The following ATAD1 variants were observed in gnomAD, a reference collection of about 807,000 sequenced individuals.
ATAD1 encodes outer mitochondrial transmembrane helix translocase.
In ATAD1, 18 loss-of-function variants were observed where a neutral mutation model predicts 42.7. The ratio of observed to expected loss-of-function variants is 0.42; its 90% confidence interval spans 0.29 to 0.63. ATAD1 has a LOEUF of 0.63. Ranked by LOEUF, ATAD1 falls within the 20% of genes least tolerant of loss-of-function variation. The probability of loss-of-function intolerance (pLI) is 0.19; values close to 1 mark genes in which losing one functional copy is unlikely to be tolerated. For missense variants in ATAD1, 294 were observed against 440.4 expected, an observed-to-expected ratio of 0.67 and a Z score of 2.98; for synonymous variants, 132 against 143.1, an observed-to-expected ratio of 0.92 and a Z score of 0.55.
intron 4 of ATAD1, among the ~76,000 whole-genome samples, chr10:87,788,781 A>G (rs1339163101): frequency 6.6e-6 from 1 of 152,270 alleles, no homozygotes; most frequent in African/African-American, 2.4e-5. Context: ...TTTTTTGTTC[A>G]GACTACAAAT....
At position 87,817,684 on chromosome 10, in the gene ATAD1, A is replaced by G. The variant is rs187685085; in HGVS notation, c.-14+483T>C. ...AATGAAGGCCTGCCAATCTTCACAA[A>G]GAGGGCAGGTTATTATTAACATCAC... On this transcript the variant is annotated intron_variant, in intron 1 of 9. Coordinates refer to ENST00000680024, the MANE Select transcript of ATAD1 (RefSeq NM_001321967.2). 3 of 970,508 alleles carry G rather than the reference A, an allele frequency of 3.1e-6. No individual in the cohort carries two copies. In the East Asian group the frequency reaches 3.4e-4, roughly 111 times the overall value. 60.1% of individuals were successfully genotyped at this position (970,508 alleles called of 1,614,324 possible).
intron 1 of ATAD1, among the ~76,000 whole-genome samples, chr10:87,839,544 C>T (rs1380471495): frequency 1.3e-5 from 2 of 152,126 alleles, no homozygotes; most frequent in Non-Finnish European, 2.9e-5. Context: ...TCTTGACCAT[C>T]AAGAGAAGGA....
chr10:87,818,455 A>G (rs1393319195), upstream of ATAD1: 2 of 179,274 alleles, frequency 1.1e-5, no homozygotes, highest in Non-Finnish European at 2.2e-5. Context: ...TTTAACAGAC[A>G]CTACCTTTGG....
rs182044161 is a variant in ATAD1 at position 87,753,603 on chromosome 10, G to A, written c.*1084C>T. On this transcript the variant is annotated 3_prime_UTR_variant, in exon 10 of 10. Coordinates refer to ENST00000680024, the MANE Select transcript of ATAD1 (RefSeq NM_001321967.2). ...TATGGGCATTTTGATGTGTACATTTGTACCTGACTTAGGGCACAATTTATA... is the reference window on the plus strand; with the variant it reads ...TATGGGCATTTTGATGTGTACATTTATACCTGACTTAGGGCACAATTTATA... 1 of 152,580 alleles carries A rather than the reference G, an allele frequency of 6.6e-6. No individual in the cohort carries two copies. The highest frequency in any genetic ancestry group is 1.9e-4 in the East Asian group (1 of 5,180). The allele number at this position is 152,580 out of a possible 1,614,324, so 9.5% of individuals were successfully genotyped here.
At position 87,807,374 on chromosome 10, in the gene ATAD1, T is replaced by C. The variant is rs958045699; in HGVS notation, c.162+7064A>G. Reference sequence around the variant, plus strand: ...TCAACTTTACTAGATAATGCCAAACTATCTTCCAAAATAGTTATACTAATT... The same window carrying C: ...TCAACTTTACTAGATAATGCCAAACCATCTTCCAAAATAGTTATACTAATT... On this transcript the variant is annotated intron_variant, in intron 2 of 9. Coordinates refer to ENST00000680024, the MANE Select transcript of ATAD1 (RefSeq NM_001321967.2). Among the ~76,000 whole-genome samples the C allele has an allele frequency of 5.7e-4, 87 of 152,268 alleles. 1 individual carries two copies. The highest frequency in any genetic ancestry group is 1.5e-4 in the Non-Finnish European group (10 of 68,020).
At chr10:87,776,635 AT>A (rs199929838) in intron 5 of ATAD1, among the ~76,000 whole-genome samples, 9 of 149,556 alleles carry the variant, frequency 6.0e-5, no homozygotes, top group South Asian at 2.1e-4. Flanking sequence ...TGCGGAGCTA[AT>A]TTTTTTTTTA....
chr10:87,822,481 A>G (rs1428484392), upstream of ATAD1, among the ~76,000 whole-genome samples: 2 of 152,234 alleles, frequency 1.3e-5, no homozygotes, highest in Non-Finnish European at 2.9e-5. Flanking sequence ...CATTTGCAAC[A>G]ACATGGACAG....
intron 1 of ATAD1, among the ~76,000 whole-genome samples, chr10:87,816,236 A>G (rs1398912226): frequency 6.6e-6 from 1 of 152,184 alleles, no homozygotes; most frequent in Non-Finnish European, 1.5e-5. Flanking sequence ...CTATTCAAAA[A>G]TTATGTTCAA....
chr10:87,795,158 A>G (rs972051116), intron 2 of ATAD1, among the ~76,000 whole-genome samples: 1 of 152,158 alleles, frequency 6.6e-6, no homozygotes, highest in Non-Finnish European at 1.5e-5. Flanking sequence ...ACAGAGCTCA[A>G]ATACTGATTT....
chr10:87,765,016 TTAC>T (rs1397192890), intron 8 of ATAD1, among the ~76,000 whole-genome samples: 1 of 152,090 alleles, frequency 6.6e-6, no homozygotes, highest in Non-Finnish European at 1.5e-5. Context: ...AAATAATGAC[TTAC>T]TGTCAATTAT....
At chr10:87,812,148 T>C (rs553667467) in intron 2 of ATAD1, among the ~76,000 whole-genome samples, 14 of 152,334 alleles carry the variant, frequency 9.2e-5, no homozygotes, top group African/African-American at 2.9e-4. Flanking sequence ...CTAGTACCTC[T>C]TGACTCCTAT....
At chr10:87,826,296 C>T (rs1857728823) in intron 1 of ATAD1, among the ~76,000 whole-genome samples, 1 of 152,178 alleles carries the variant, frequency 6.6e-6, no homozygotes, top group Non-Finnish European at 1.5e-5. Context: ...TGATAGATTT[C>T]ACAAACCTTT....
At chr10:87,779,107 T>G (rs983736581) in intron 5 of ATAD1, among the ~76,000 whole-genome samples, 1 of 151,974 alleles carries the variant, frequency 6.6e-6, no homozygotes, top group African/African-American at 2.4e-5. Flanking sequence ...GAGACCAGCC[T>G]GACCAACATG....
intron 3 of ATAD1, 44 bp downstream of exon 3, chr10:87,792,612 AC>A (rs761639862): frequency 4.3e-6 from 3 of 705,062 alleles, no homozygotes; most frequent in Non-Finnish European, 7.6e-6. Flanking sequence ...GCTAGAACCC[AC>A]CCCCACCTCT....
chr10:87,799,092 C>T (rs1856555987), intron 2 of ATAD1, among the ~76,000 whole-genome samples: 1 of 152,134 alleles, frequency 6.6e-6, no homozygotes, highest in Non-Finnish European at 1.5e-5. Flanking sequence ...TTCAAGTTTA[C>T]ATAATTTAAT....
intron 2 of ATAD1, among the ~76,000 whole-genome samples, chr10:87,802,293 A>G (rs541779347): frequency 6.6e-6 from 1 of 152,282 alleles, no homozygotes; most frequent in African/African-American, 2.4e-5. Flanking sequence ...TTCACACCTT[A>G]TCTACACAGT....
chr10:87,816,816 A>G (rs1316048364), intron 1 of ATAD1, among the ~76,000 whole-genome samples: 8 of 152,240 alleles, frequency 5.3e-5, no homozygotes, highest in African/African-American at 1.9e-4. Context: ...TAATTTAGAC[A>G]AGATAAGGGT....
intron 2 of ATAD1, among the ~76,000 whole-genome samples, chr10:87,798,625 GGTGTGTGT>G (rs71022506): frequency 2.4e-5 from 3 of 124,938 alleles, no homozygotes; most frequent in East Asian, 2.1e-4. Context: ...AGCTATAGGG[GGTGTGTGT>G]GTGTGTGTGT....
intron 2 of ATAD1, among the ~76,000 whole-genome samples, chr10:87,805,003 C>G (rs1201420698): frequency 6.6e-6 from 1 of 152,168 alleles, no homozygotes; most frequent in African/African-American, 2.4e-5. Flanking sequence ...TTTAATCCAA[C>G]ATAACGGTAT....
Sources: gnomAD v4.1 joint callset for allele counts (sites outside exome capture counted in the v4.1 genomes callset) on GRCh38, gnomAD v4.1.1 for gene constraint, MANE v1.5 for transcripts, NCBI Gene and HGNC (gene_info 2026-07-23, HGNC 2026-07-21) for gene names.